INPP5A: variants seen among roughly 807,000 people sequenced by gnomAD.
INPP5A encodes 43 kDa inositol polyphosphate 5-phophatase.
In INPP5A, 14 loss-of-function variants were observed where a neutral mutation model predicts 65.2. That is an observed-to-expected ratio of 0.21 (90% CI 0.14 to 0.34). The LOEUF is 0.34. Ranked by LOEUF, INPP5A falls within the 10% of genes least tolerant of loss-of-function variation. The probability of loss-of-function intolerance (pLI) is 1.00; values close to 1 mark genes in which losing one functional copy is unlikely to be tolerated. For missense variants in INPP5A, 431 were observed against 545.6 expected, an observed-to-expected ratio of 0.79 and a Z score of 2.09; for synonymous variants, 207 against 208.3, an observed-to-expected ratio of 0.99 and a Z score of 0.05.
intron 8 of INPP5A, among the ~76,000 whole-genome samples, chr10:132,723,057 A>G (rs1845915492): frequency 1.3e-5 from 2 of 152,136 alleles, no homozygotes; most frequent in African/African-American, 4.8e-5. Flanking sequence ...TGCTGTTATT[A>G]ATGGGCTCAA....
rs551756286 is a variant in INPP5A, at chr10:132,604,322, C to T, written c.76-3593C>T. On this transcript the variant is annotated intron_variant, in intron 1 of 15. Transcript: ENST00000368594. ...TGCTGTCAGGGTCCCCTCTCTGGCG[C>T]GCCCTGTGCCATCAGGGTCCCCTCT... Among the ~76,000 whole-genome samples, 43 of 142,856 alleles carry T rather than the reference C, an allele frequency of 3.0e-4. No homozygotes were observed. The South Asian group carries it at 3.0e-3, about 10-fold the overall frequency. 93.7% of individuals were successfully genotyped at this position (142,856 alleles called of 152,430 possible). A position where few individuals can be genotyped will look rare whatever the true frequency, so the allele number is the denominator to read the frequency against.
In INPP5A at chr10:132,645,865, C is replaced by T; in HGVS notation, c.118-3C>T. On this transcript the variant is annotated splice_region_variant and splice_polypyrimidine_tract_variant and intron_variant, in intron 2 of 15. Coordinates refer to ENST00000368594, the MANE Select transcript of INPP5A (RefSeq NM_005539.5). ...CCCTGACAGTGTGCTTCTCTCCCTCCAGGTCGTGCACACACACAAGCCGCA... is the reference window on the plus strand; with the variant it reads ...CCCTGACAGTGTGCTTCTCTCCCTCTAGGTCGTGCACACACACAAGCCGCA... The T allele has an allele frequency of 6.2e-7, 1 of 1,611,138 alleles. No individual in the cohort carries two copies. The highest frequency in any genetic ancestry group is 1.1e-5 in the South Asian group (1 of 90,756).
intron 2 of INPP5A, among the ~76,000 whole-genome samples, chr10:132,640,721 T>C (rs2072416451): frequency 6.6e-6 from 1 of 152,274 alleles, no homozygotes; most frequent in Non-Finnish European, 1.5e-5. Context: ...CCTGCTGATA[T>C]GCCCTTGTAG....
chr10:132,566,149 A>G (rs2071271985), intron 1 of INPP5A, among the ~76,000 whole-genome samples: 1 of 152,216 alleles, frequency 6.6e-6, no homozygotes, highest in Non-Finnish European at 1.5e-5. Flanking sequence ...AACGATGTTC[A>G]AATACTTTTG....
At chr10:132,708,458 C>T (rs1017161374) in intron 7 of INPP5A, 93 bp downstream of exon 7, 24 of 1,287,530 alleles carry the variant, frequency 1.9e-5, no homozygotes, top group Non-Finnish European at 2.5e-5. Context: ...TCATTGGAGG[C>T]TCTACTGATT....
At chr10:132,590,827 T>C (rs939066779) in intron 1 of INPP5A, among the ~76,000 whole-genome samples, 3 of 152,232 alleles carry the variant, frequency 2.0e-5, no homozygotes, top group Non-Finnish European at 2.9e-5. Flanking sequence ...CAGCCTGCCG[T>C]GTGGGTCACT....
intron 6 of INPP5A, among the ~76,000 whole-genome samples, chr10:132,700,030 G>A (rs1261909831): frequency 1.3e-5 from 2 of 152,176 alleles, no homozygotes; most frequent in Non-Finnish European, 2.9e-5. Context: ...CTGGGGGCCT[G>A]CTGGCATGGG....
chr10:132,585,689 G>A (rs2071536896), intron 1 of INPP5A, among the ~76,000 whole-genome samples: 1 of 152,176 alleles, frequency 6.6e-6, no homozygotes, highest in African/African-American at 2.4e-5. Flanking sequence ...CAGGTCTCAC[G>A]GAGCCTCAGA....
intron 9 of INPP5A, among the ~76,000 whole-genome samples, chr10:132,739,313 C>T (rs1382101737): frequency 6.6e-6 from 1 of 152,262 alleles, no homozygotes; most frequent in Non-Finnish European, 1.5e-5. Flanking sequence ...CTCCCGGCCT[C>T]ACCACACATT....
rs185114238 is a variant in INPP5A, at chr10:132,752,948, C to T, written c.903+3103C>T. Among the ~76,000 whole-genome samples, 25 of 152,178 alleles carry T rather than the reference C, an allele frequency of 1.6e-4. No homozygotes were observed. The East Asian group carries it at 3.1e-3, about 19-fold the overall frequency. On this transcript the variant is annotated intron_variant, in intron 11 of 15. Transcript: ENST00000368594. ...GTGGGGTTGAAGCCACGTGAGGCACCCGGTGTGATTGCGGAGGCCTGGTGC... is the reference window on the plus strand; with the variant it reads ...GTGGGGTTGAAGCCACGTGAGGCACTCGGTGTGATTGCGGAGGCCTGGTGC...
intron 1 of INPP5A, among the ~76,000 whole-genome samples, chr10:132,573,983 G>T (rs2071384761): frequency 3.1e-5 from 4 of 127,266 alleles, no homozygotes; most frequent in South Asian, 2.7e-4. Context: ...AGATGTTGGG[G>T]TGTACGTGCC....
At chr10:132,664,564 G>A (rs1054385861) in intron 4 of INPP5A, among the ~76,000 whole-genome samples, 3 of 152,198 alleles carry the variant, frequency 2.0e-5, no homozygotes, top group Non-Finnish European at 2.9e-5. Flanking sequence ...TGCCCTGTGC[G>A]TTTGTGTGAT....
At chr10:132,778,413 C>T (rs1402443608) in intron 13 of INPP5A, among the ~76,000 whole-genome samples, 3 of 149,514 alleles carry the variant, frequency 2.0e-5, no homozygotes, top group East Asian at 2.0e-4. Flanking sequence ...CCACCCACCT[C>T]GGCCTCCCAA....
chr10:132,738,398 C>A (rs1846214696), intron 9 of INPP5A, among the ~76,000 whole-genome samples: 1 of 152,214 alleles, frequency 6.6e-6, no homozygotes, highest in Admixed American at 6.5e-5. Flanking sequence ...TGTCCTGCGT[C>A]CCCCTCCCTT....
chr10:132,658,478 C>T (rs1369227578), intron 4 of INPP5A, among the ~76,000 whole-genome samples: 1 of 152,174 alleles, frequency 6.6e-6, no homozygotes, highest in Non-Finnish European at 1.5e-5. Context: ...GATGAGCTGA[C>T]ATTGGGCTAT....
intron 1 of INPP5A, among the ~76,000 whole-genome samples, chr10:132,554,813 G>A (rs1021828764): frequency 6.6e-6 from 1 of 151,614 alleles, no homozygotes; most frequent in Admixed American, 6.6e-5. Context: ...AGTATGGGTG[G>A]CGTGGTATTG....
chr10:132,544,946 T>C (rs1162735350), intron 1 of INPP5A, among the ~76,000 whole-genome samples: 1 of 152,172 alleles, frequency 6.6e-6, no homozygotes, highest in Non-Finnish European at 1.5e-5. Context: ...GTGGGACTTC[T>C]TTGGTTTGAA....
At position 132,730,164 on chromosome 10, in the gene INPP5A, T is replaced by C. The variant is rs553707198; in HGVS notation, c.732+3259T>C. ...TTTAAATGGAGTCCAGCAGCCTGGG[T>C]CCACCTGCCCTGTCCTCAGCCCCTG... On this transcript the variant is annotated intron_variant, in intron 9 of 15. Coordinates refer to ENST00000368594, the MANE Select transcript of INPP5A (RefSeq NM_005539.5). 3.3e-5 allele frequency among the ~76,000 whole-genome samples: 5 copies of C among 152,350 alleles called. No homozygotes were observed. The South Asian group carries it at 8.3e-4, about 25-fold the overall frequency.
At chr10:132,686,886 T>G (rs1845139970) in intron 4 of INPP5A, among the ~76,000 whole-genome samples, 1 of 152,256 alleles carries the variant, frequency 6.6e-6, no homozygotes, top group Non-Finnish European at 1.5e-5. Context: ...TTTTCTCTCT[T>G]AACTCTGTGC....
Sources: allele counts gnomAD v4.1 joint callset (sites outside exome capture counted in the v4.1 genomes callset), GRCh38; gene constraint gnomAD v4.1.1; transcripts MANE v1.5; gene names NCBI Gene and HGNC (gene_info 2026-07-23, HGNC 2026-07-21).